Variants in DDC observed in about 807,000 individuals in gnomAD.
DDC encodes the protein aromatic-L-amino-acid decarboxylase.
Under a neutral mutation model 60.0 loss-of-function variants are expected in DDC, and 43 were observed. The observed-to-expected ratio is 0.72, with a 90% CI of 0.56 to 0.92. The LOEUF (loss-of-function observed/expected upper bound fraction) is 0.92. Ranked by LOEUF, DDC falls within the 40% of genes least tolerant of loss-of-function variation. The pLI, the probability that DDC is intolerant of heterozygous loss-of-function variation, is 0.00. For synonymous variants in DDC, 232 were observed against 234.6 expected (o/e 0.99, Z 0.10); for missense variants, 573 against 620.2 (o/e 0.92, Z 0.81).
chr7:50,468,146 G>A (rs887226476), intron 12 of DDC, among the ~76,000 whole-genome samples: 2 of 152,262 alleles, frequency 1.3e-5, no homozygotes, highest in African/African-American at 4.8e-5. Flanking sequence ...CGCCTCGCGG[G>A]CAGGGGGTGG....
At chr7:50,495,550 C>T in intron 8 of DDC, 133 bp from the exon 9 acceptor site, 4 of 737,062 alleles carry the variant, frequency 5.4e-6, no homozygotes, top group Non-Finnish European at 9.4e-6. Flanking sequence ...GTAGGGTTGC[C>T]CAGGGGAGTA....
intron 6 of DDC, among the ~76,000 whole-genome samples, chr7:50,526,332 T>C (rs182282028): frequency 6.6e-6 from 1 of 152,272 alleles, no homozygotes; most frequent in Admixed American, 6.5e-5. Context: ...CACTCTAGAA[T>C]TCTATACCCA....
chr7:50,491,648 G>T (rs2042999817), intron 9 of DDC, among the ~76,000 whole-genome samples: 1 of 152,148 alleles, frequency 6.6e-6, no homozygotes, highest in African/African-American at 2.4e-5. Flanking sequence ...TAAGCAGAAA[G>T]CTACAGATAA....
chr7:50,554,263 G>A (rs539654030), intron 1 of DDC, among the ~76,000 whole-genome samples: 4 of 152,252 alleles, frequency 2.6e-5, no homozygotes, highest in Middle Eastern at 3.4e-3. Flanking sequence ...GCCTGCTGCA[G>A]AGTCAGTGTT....
chr7:50,540,626 C>A (rs1438052585), intron 2 of DDC, among the ~76,000 whole-genome samples: 2 of 152,216 alleles, frequency 1.3e-5, no homozygotes, highest in Non-Finnish European at 2.9e-5. Flanking sequence ...AGCTGGATCA[C>A]CCCACAGATG....
chr7:50,525,844 T>C (rs2044023420), intron 6 of DDC, among the ~76,000 whole-genome samples: 1 of 151,784 alleles, frequency 6.6e-6, no homozygotes, highest in Admixed American at 6.6e-5. Context: ...CAGCTAGGCA[T>C]AGCTAAAGAG....
At chr7:50,550,384 G>A in intron 1 of DDC, among the ~76,000 whole-genome samples, 1 of 152,134 alleles carries the variant, frequency 6.6e-6, no homozygotes, top group East Asian at 1.9e-4. Context: ...CAGAACTTTT[G>A]TATGCACTGG....
intron 6 of DDC, among the ~76,000 whole-genome samples, chr7:50,517,292 C>T (rs1196495549): frequency 6.6e-6 from 1 of 152,016 alleles, no homozygotes; most frequent in Non-Finnish European, 1.5e-5. Context: ...ATGTGATACA[C>T]CACAGAAAGA....
At chr7:50,462,226 C>CAAAAAAAAA (rs11410259) in intron 14 of DDC, among the ~76,000 whole-genome samples, 1,145 of 75,310 alleles carry the variant, frequency 0.015, no homozygotes, top group Middle Eastern at 0.019. Context: ...GACAAAAAGA[C>CAAAAAAAAA]AAAAAAAAAA....
intron 6 of DDC, among the ~76,000 whole-genome samples, chr7:50,513,380 T>G (rs1010959988): frequency 6.6e-5 from 10 of 152,042 alleles, no homozygotes; most frequent in Non-Finnish European, 1.5e-4. Flanking sequence ...AGGGATCCAT[T>G]GGGAAGGCAG....
At chr7:50,487,421 G>C (rs1193955032) in intron 9 of DDC, among the ~76,000 whole-genome samples, 1 of 152,108 alleles carries the variant, frequency 6.6e-6, no homozygotes, top group African/African-American at 2.4e-5. Context: ...AACACGCGAG[G>C]ATGTGTTTTT....
intron 1 of DDC, among the ~76,000 whole-genome samples, chr7:50,562,323 C>T (rs1435605398): frequency 6.6e-6 from 1 of 152,168 alleles, no homozygotes; most frequent in Non-Finnish European, 1.5e-5. Flanking sequence ...GCCATGTGGA[C>T]AATGGAGGCA....
intron 6 of DDC, among the ~76,000 whole-genome samples, chr7:50,523,998 T>G (rs921616169): frequency 1.3e-5 from 2 of 152,078 alleles, no homozygotes; most frequent in African/African-American, 4.8e-5. Context: ...TAAAAAGAAA[T>G]AAACTAGTAC....
chr7:50,529,716 C>T (rs528545825), intron 4 of DDC, among the ~76,000 whole-genome samples: 1 of 152,330 alleles, frequency 6.6e-6, no homozygotes, highest in Admixed American at 6.5e-5. Flanking sequence ...AAGCCTGACT[C>T]TGCGTTCATA....
intron 6 of DDC, among the ~76,000 whole-genome samples, chr7:50,519,125 C>A (rs1275256983): frequency 4.0e-5 from 3 of 74,438 alleles, no homozygotes; most frequent in East Asian, 9.7e-4. Context: ...AAATGGCCAA[C>A]AAACATATAA....
chr7:50,543,863 C>T, intron 2 of DDC, 22 bp downstream of exon 2: 1 of 1,612,276 alleles, frequency 6.2e-7, no homozygotes, highest in Non-Finnish European at 8.5e-7. Flanking sequence ...CTCCTGTTTT[C>T]TGACCTTGGA....
intron 13 of DDC, among the ~76,000 whole-genome samples, chr7:50,465,652 G>A (rs1461071726): frequency 6.6e-6 from 1 of 152,208 alleles, no homozygotes. Flanking sequence ...GATTACAGGC[G>A]TGAGCCACCA....
At chr7:50,530,740 A>G (rs1467593832) in intron 4 of DDC, among the ~76,000 whole-genome samples, 1 of 152,206 alleles carries the variant, frequency 6.6e-6, no homozygotes, top group African/African-American at 2.4e-5. Context: ...GAAGAAACCC[A>G]TCTACCGACC....
At chr7:50,499,552 A>G (rs543194732) in intron 7 of DDC, among the ~76,000 whole-genome samples, 5 of 152,040 alleles carry the variant, frequency 3.3e-5, no homozygotes, top group Middle Eastern at 3.4e-3. Context: ...ACTCACCTGC[A>G]TTTCTCTCCA....
Sources: allele counts gnomAD v4.1 joint callset (sites outside exome capture counted in the v4.1 genomes callset), GRCh38; gene constraint gnomAD v4.1.1; transcripts MANE v1.5; gene names NCBI Gene and HGNC (gene_info 2026-07-23, HGNC 2026-07-21).